The following ST6GALNAC3 variants were observed in gnomAD, a reference collection of about 807,000 sequenced individuals.
ST6GALNAC3 encodes ST6 N-acetylgalactosaminide alpha-2,6-sialyltransferase 3, also known as alpha-N-acetylgalactosaminide alpha-2,6-sialyltransferase 3.
Under a neutral mutation model 32.7 loss-of-function variants are expected in ST6GALNAC3, and 25 were observed. The observed-to-expected ratio is 0.76, with a 90% confidence interval of 0.56 to 1.07. The LOEUF (loss-of-function observed/expected upper bound fraction) is 1.07. ST6GALNAC3 is among the 50% of genes least tolerant of loss of function. The pLI is 0.00. For synonymous variants in ST6GALNAC3, 129 were observed against 133.1 expected, an observed-to-expected ratio of 0.97 and a Z score of 0.21; for missense variants, 355 against 382.4, an observed-to-expected ratio of 0.93 and a Z score of 0.60.
chr1:76,407,852 T>G (rs1179648440), intron 2 of ST6GALNAC3, among the ~76,000 whole-genome samples: 1 of 151,866 alleles, frequency 6.6e-6, no homozygotes, highest in Admixed American at 6.6e-5. Flanking sequence ...ACTGAGTGAG[T>G]GAAGACATAT....
At chr1:76,120,684 C>T (rs1216346188) in intron 1 of ST6GALNAC3, among the ~76,000 whole-genome samples, 3 of 152,174 alleles carry the variant, frequency 2.0e-5, no homozygotes, top group South Asian at 4.1e-4. Context: ...CTAATGGGCA[C>T]CTCAAATCCA....
intron 3 of ST6GALNAC3, among the ~76,000 whole-genome samples, chr1:76,553,264 T>C (rs964067011): frequency 6.6e-6 from 1 of 152,182 alleles, no homozygotes; most frequent in African/African-American, 2.4e-5. Context: ...ATATGGAGCA[T>C]GTAAAACGTG....
intron 1 of ST6GALNAC3, among the ~76,000 whole-genome samples, chr1:76,105,738 C>T (rs1647479926): frequency 6.6e-6 from 1 of 152,160 alleles, no homozygotes; most frequent in Admixed American, 6.5e-5. Flanking sequence ...AAGTGAGTGG[C>T]AAAGCCTTTG....
chr1:76,194,440 T>C (rs1001865392), intron 1 of ST6GALNAC3, among the ~76,000 whole-genome samples: 1 of 152,124 alleles, frequency 6.6e-6, no homozygotes, highest in Non-Finnish European at 1.5e-5. Flanking sequence ...ATAGATAGCA[T>C]TAGAAATTAA....
chr1:76,206,198 G>A (rs1654812953), intron 1 of ST6GALNAC3, among the ~76,000 whole-genome samples: 1 of 152,150 alleles, frequency 6.6e-6, no homozygotes, highest in Non-Finnish European at 1.5e-5. Context: ...GAAGTACAGG[G>A]AACAGCACAG....
chr1:76,343,425 C>T (rs917218689), intron 2 of ST6GALNAC3, among the ~76,000 whole-genome samples: 4 of 152,086 alleles, frequency 2.6e-5, no homozygotes, highest in Non-Finnish European at 5.9e-5. Flanking sequence ...ATAGGTAGCT[C>T]CCTATCAGGA....
At chr1:76,591,897 A>C (rs980477934) in intron 3 of ST6GALNAC3, among the ~76,000 whole-genome samples, 1 of 152,200 alleles carries the variant, frequency 6.6e-6, no homozygotes, top group Non-Finnish European at 1.5e-5. Flanking sequence ...GTCATACCTC[A>C]ATAATAAATA....
rs375609967 is a variant in ST6GALNAC3, at chr1:76,197,095, A to G, written c.19-116710A>G. 7.2e-5 allele frequency among the ~76,000 whole-genome samples: 11 copies of G among 152,290 alleles called. No homozygotes were observed. In the East Asian group the frequency reaches 1.5e-3, roughly 21 times the overall value. On this transcript the variant is annotated intron_variant, in intron 1 of 4. Coordinates refer to ENST00000328299, the MANE Select transcript of ST6GALNAC3 (RefSeq NM_152996.4). ...GTCTGATTTGCCAACAGTTTTACTCACCTGAACAATTTTCACTGGCTCTAA... is the reference window on the plus strand; with the variant it reads ...GTCTGATTTGCCAACAGTTTTACTCGCCTGAACAATTTTCACTGGCTCTAA...
At chr1:76,318,487 A>G (rs766737297) in intron 2 of ST6GALNAC3, among the ~76,000 whole-genome samples, 1 of 152,122 alleles carries the variant, frequency 6.6e-6, no homozygotes, top group African/African-American at 2.4e-5. Context: ...TCTCATCAAC[A>G]CGTGTTTAAG....
chr1:76,113,431 A>G lies in ST6GALNAC3; in HGVS notation c.18+38547A>G, dbSNP rs549300772. On this transcript the variant is annotated intron_variant, in intron 1 of 4. Transcript: ENST00000328299. ...CGCAGAACTCCATTATGTTTTAATG[A>G]TGGATGAGCCATTTTTACAAATTTG... 2.6e-5 allele frequency among the ~76,000 whole-genome samples: 4 copies of G among 152,156 alleles called. No individual in the cohort carries two copies. The East Asian group carries it at 7.7e-4, about 29-fold the overall frequency.
At chr1:76,418,891 ATTAG>A (rs1230613974) in intron 3 of ST6GALNAC3, among the ~76,000 whole-genome samples, 1 of 151,960 alleles carries the variant, frequency 6.6e-6, no homozygotes, top group Non-Finnish European at 1.5e-5. Context: ...AGTGACCTAC[ATTAG>A]GCCTCCTCTG....
At chr1:76,205,289 T>A (rs1412424694) in intron 1 of ST6GALNAC3, among the ~76,000 whole-genome samples, 1 of 152,208 alleles carries the variant, frequency 6.6e-6, no homozygotes, top group Non-Finnish European at 1.5e-5. Context: ...GTGCAGAGAA[T>A]GGCTGCTTTA....
intron 1 of ST6GALNAC3, among the ~76,000 whole-genome samples, chr1:76,186,123 A>T (rs1653539520): frequency 6.6e-6 from 1 of 152,126 alleles, no homozygotes; most frequent in South Asian, 2.1e-4. Flanking sequence ...TTCAGAATTT[A>T]GCTCAGCTCT....
chr1:76,337,364 A>G (rs4253954), intron 2 of ST6GALNAC3, among the ~76,000 whole-genome samples: 150,416 of 152,310 alleles, frequency 0.99, 74,309 homozygotes, highest in East Asian at 1. Flanking sequence ...AAGCTACTGT[A>G]AGATTAGAGT....
chr1:76,399,185 T>C (rs1005849709), intron 2 of ST6GALNAC3, among the ~76,000 whole-genome samples: 2 of 152,214 alleles, frequency 1.3e-5, no homozygotes, highest in Admixed American at 1.3e-4. Context: ...TGAGGGATAG[T>C]ATAATTCATT....
intron 3 of ST6GALNAC3, among the ~76,000 whole-genome samples, chr1:76,472,736 G>A (rs1364096463): frequency 1.3e-5 from 2 of 152,068 alleles, no homozygotes; most frequent in African/African-American, 4.8e-5. Flanking sequence ...ATAAGTACTC[G>A]GTAAAAATTA....
intron 2 of ST6GALNAC3, among the ~76,000 whole-genome samples, chr1:76,410,719 T>C (rs1180092610): frequency 1.3e-5 from 2 of 152,120 alleles, no homozygotes; most frequent in Non-Finnish European, 2.9e-5. Flanking sequence ...TCTGTTACAG[T>C]TGTATGATGA....
chr1:76,433,690 A>G (rs1165432899), intron 3 of ST6GALNAC3, among the ~76,000 whole-genome samples: 9 of 152,164 alleles, frequency 5.9e-5, no homozygotes, highest in Admixed American at 3.3e-4. Flanking sequence ...AAGTGATCCA[A>G]TGGTTAGCTG....
At chr1:76,275,573 G>T (rs1659088345) in intron 1 of ST6GALNAC3, among the ~76,000 whole-genome samples, 1 of 152,074 alleles carries the variant, frequency 6.6e-6, no homozygotes, top group Admixed American at 6.5e-5. Context: ...CCCTCAGGAT[G>T]CTTCCTGGGC....
Sources: allele counts gnomAD v4.1 joint callset (sites outside exome capture counted in the v4.1 genomes callset), GRCh38; gene constraint gnomAD v4.1.1; transcripts MANE v1.5; gene names NCBI Gene and HGNC (gene_info 2026-07-23, HGNC 2026-07-21).